Variants in FBXL7 observed in about 807,000 individuals in gnomAD.
FBXL7 encodes F-box and leucine rich repeat protein 7, also known as F-box/LRR-repeat protein 7.
A neutral mutation model predicts 38.3 loss-of-function variants in FBXL7; 12 were observed. The ratio of observed to expected loss-of-function variants is 0.31; its 90% CI spans 0.20 to 0.51. The LOEUF is 0.51. FBXL7 is among the 20% of genes least tolerant of loss of function. The pLI, the probability that FBXL7 is intolerant of heterozygous loss-of-function variation, is 0.98. For synonymous variants in FBXL7, 297 were observed against 300.9 expected (o/e 0.99, Z 0.13); for missense variants, 567 against 676.4 (o/e 0.84, Z 1.79).
intron 2 of FBXL7, among the ~76,000 whole-genome samples, chr5:15,723,338 C>CTTTT (rs1474112549): frequency 6.6e-6 from 1 of 152,034 alleles, no homozygotes; most frequent in African/African-American, 2.4e-5. Context: ...CTTTTTCATT[C>CTTTT]TTTTGAAGCT....
intron 2 of FBXL7, among the ~76,000 whole-genome samples, chr5:15,862,226 G>A (rs1052493169): frequency 6.6e-6 from 1 of 152,136 alleles, no homozygotes; most frequent in African/African-American, 2.4e-5. Flanking sequence ...TAGTGAATAA[G>A]TCTCACAAGA....
intron 1 of FBXL7, among the ~76,000 whole-genome samples, chr5:15,564,796 A>G (rs1322381511): frequency 6.6e-6 from 1 of 152,112 alleles, no homozygotes; most frequent in African/African-American, 2.4e-5. Context: ...AATTTTGTGC[A>G]CAATATGCCT....
chr5:15,561,108 T>G (rs1456574417), intron 1 of FBXL7, among the ~76,000 whole-genome samples: 2 of 152,160 alleles, frequency 1.3e-5, no homozygotes, highest in Non-Finnish European at 2.9e-5. Flanking sequence ...GTAAAGAGTT[T>G]CTTAGCAGTT....
intron 2 of FBXL7, among the ~76,000 whole-genome samples, chr5:15,871,696 G>C (rs1490966968): frequency 6.6e-6 from 1 of 151,984 alleles, no homozygotes; most frequent in Non-Finnish European, 1.5e-5. Flanking sequence ...TGGAAGAAAG[G>C]ATATCAGAGA....
intron 2 of FBXL7, among the ~76,000 whole-genome samples, chr5:15,664,488 T>G (rs1742204769): frequency 6.8e-6 from 1 of 147,354 alleles, no homozygotes; most frequent in South Asian, 2.2e-4. Context: ...TTTTTTTTTT[T>G]TTTGAGACAG....
intron 2 of FBXL7, among the ~76,000 whole-genome samples, chr5:15,760,447 A>T (rs1385069759): frequency 1.3e-5 from 2 of 151,930 alleles, no homozygotes; most frequent in East Asian, 1.9e-4. Flanking sequence ...AAAAGAAAAA[A>T]GTTGAGAGAG....
chr5:15,758,879 A>G (rs1476375627), intron 2 of FBXL7, among the ~76,000 whole-genome samples: 3 of 151,920 alleles, frequency 2.0e-5, no homozygotes, highest in African/African-American at 7.2e-5. Context: ...ATGGATTTAC[A>G]CTTTAGAGTA....
intron 2 of FBXL7, among the ~76,000 whole-genome samples, chr5:15,641,065 A>G (rs1741353280): frequency 6.6e-6 from 1 of 152,232 alleles, no homozygotes; most frequent in Non-Finnish European, 1.5e-5. Context: ...TGAGCTTGCT[A>G]ATACACCCCC....
intron 2 of FBXL7, among the ~76,000 whole-genome samples, chr5:15,690,712 T>A (rs542461807): frequency 1.3e-5 from 2 of 152,196 alleles, no homozygotes; most frequent in Admixed American, 1.3e-4. Flanking sequence ...TATTGAATGA[T>A]CTCACCCATA....
chr5:15,523,683 C>T (rs892789389), intron 1 of FBXL7, among the ~76,000 whole-genome samples: 6 of 152,128 alleles, frequency 3.9e-5, no homozygotes, highest in South Asian at 2.1e-4. Context: ...CCGTCCGTGG[C>T]GCCTTCTGCA....
At chr5:15,683,213 A>G (rs1450257193) in intron 2 of FBXL7, among the ~76,000 whole-genome samples, 1 of 152,196 alleles carries the variant, frequency 6.6e-6, no homozygotes, top group African/African-American at 2.4e-5. Flanking sequence ...TCAAGCCCTC[A>G]ACTCCCAGGA....
At chr5:15,724,174 A>G (rs1744277975) in intron 2 of FBXL7, among the ~76,000 whole-genome samples, 1 of 152,186 alleles carries the variant, frequency 6.6e-6, no homozygotes, top group South Asian at 2.1e-4. Context: ...TTTGCTATGT[A>G]TTAATATTGT....
At chr5:15,587,597 G>C (rs2126475873) in intron 1 of FBXL7, among the ~76,000 whole-genome samples, 1 of 152,282 alleles carries the variant, frequency 6.6e-6, no homozygotes, top group Non-Finnish European at 1.5e-5. Flanking sequence ...TATCGTTCAA[G>C]AGTCCTGTGA....
intron 2 of FBXL7, among the ~76,000 whole-genome samples, chr5:15,807,588 G>A (rs965419331): frequency 3.9e-5 from 6 of 152,230 alleles, no homozygotes; most frequent in Middle Eastern, 3.4e-3. Context: ...CAGCACTCTT[G>A]ATTAGAACTT....
chr5:15,818,749 A>T (rs200247163), intron 2 of FBXL7, among the ~76,000 whole-genome samples: 1,169 of 34,544 alleles, frequency 0.034, 6 homozygotes, highest in African/African-American at 0.052. Flanking sequence ...TGTGTGAGAG[A>T]GAGAGAGATT....
chr5:15,627,445 C>G (rs926038012), intron 2 of FBXL7, among the ~76,000 whole-genome samples: 1 of 152,072 alleles, frequency 6.6e-6, no homozygotes, highest in Non-Finnish European at 1.5e-5. Context: ...CTCACTGGGT[C>G]CATGTAGGGA....
chr5:15,531,845 A>T (rs987186795), intron 1 of FBXL7, among the ~76,000 whole-genome samples: 1 of 152,162 alleles, frequency 6.6e-6, no homozygotes, highest in Non-Finnish European at 1.5e-5. Context: ...AACTATATCC[A>T]ATTTAATTTA....
At chr5:15,743,999 A>G (rs879398029) in intron 2 of FBXL7, among the ~76,000 whole-genome samples, 5 of 152,160 alleles carry the variant, frequency 3.3e-5, no homozygotes, top group Non-Finnish European at 7.4e-5. Flanking sequence ...GGCTGCACAC[A>G]TCAGGGGTCT....
chr5:15,770,950 G>A (rs929497754), intron 2 of FBXL7, among the ~76,000 whole-genome samples: 17 of 152,182 alleles, frequency 1.1e-4, no homozygotes, highest in Admixed American at 9.2e-4. Context: ...GTTATATCAA[G>A]ACAAGATTCC....
Sources: allele counts gnomAD v4.1 joint callset (sites outside exome capture counted in the v4.1 genomes callset), GRCh38; gene constraint gnomAD v4.1.1; transcripts MANE v1.5; gene names NCBI Gene and HGNC (gene_info 2026-07-23, HGNC 2026-07-21).